The following GSG1L variants were observed in gnomAD, a reference collection of about 807,000 sequenced individuals.
The protein encoded by GSG1L is germ cell-specific gene 1-like protein.
GSG1L carries 24 observed loss-of-function variants against 42.1 expected under a neutral mutation model. The ratio of observed to expected loss-of-function variants is 0.57; its 90% CI spans 0.41 to 0.80. The LOEUF (loss-of-function observed/expected upper bound fraction) is 0.80, where lower values mean the gene tolerates loss of function less well. Ranked by LOEUF, GSG1L falls within the 30% of genes least tolerant of loss-of-function variation. GSG1L has a pLI of 0.00. For missense variants in GSG1L, 445 were observed against 472.2 expected (o/e 0.94, Z 0.53); for synonymous variants, 215 against 203.5 (o/e 1.06, Z -0.48).
At chr16:27,918,522 G>C (rs2084485168) in intron 2 of GSG1L, among the ~76,000 whole-genome samples, 1 of 152,068 alleles carries the variant, frequency 6.6e-6, no homozygotes, top group Non-Finnish European at 1.5e-5. Flanking sequence ...AGTCAGGCAT[G>C]GTGGCGGGCG....
intron 3 of GSG1L, among the ~76,000 whole-genome samples, chr16:27,865,591 A>C (rs2083713071): frequency 7.4e-6 from 1 of 134,788 alleles, no homozygotes; most frequent in Non-Finnish European, 1.6e-5. Flanking sequence ...ACATACATAC[A>C]TACACACACA....
intron 5 of GSG1L, among the ~76,000 whole-genome samples, chr16:27,825,642 T>C (rs2083200339): frequency 6.6e-6 from 1 of 152,190 alleles, no homozygotes; most frequent in African/African-American, 2.4e-5. Context: ...TCTGGGTGAC[T>C]GATATGGTTT....
Position 27,911,308 on chromosome 16 carries a change from T to G in GSG1L, c.398-26670A>C, listed in dbSNP as rs567170255. Reference sequence around the variant, plus strand: ...CTCTCTCTCTCTCCTCTCTCTCTTTTGAGACAGGGTCTCACTCTGTCACCC... The same window carrying G: ...CTCTCTCTCTCTCCTCTCTCTCTTTGGAGACAGGGTCTCACTCTGTCACCC... On this transcript the variant is annotated intron_variant, in intron 2 of 6. Transcript: ENST00000447459. Among the ~76,000 whole-genome samples the G allele has an allele frequency of 1.2e-4, 12 of 97,898 alleles. 1 individual carries two copies. The highest frequency in any genetic ancestry group is 1.1e-3 in the Admixed American group (12 of 11,422). The allele number at this position is 97,898 out of a possible 152,430, so 64.2% of individuals were successfully genotyped here. A position where few individuals can be genotyped will look rare whatever the true frequency, so the allele number is the denominator to read the frequency against.
chr16:27,806,185 T>G (rs1218617438), intron 6 of GSG1L, among the ~76,000 whole-genome samples: 1 of 152,128 alleles, frequency 6.6e-6, no homozygotes, highest in African/African-American at 2.4e-5. Flanking sequence ...AGCACAGACA[T>G]GAAACCATGA....
intron 2 of GSG1L, among the ~76,000 whole-genome samples, chr16:27,938,213 G>A (rs892016619): frequency 1.3e-5 from 2 of 151,924 alleles, no homozygotes; most frequent in Admixed American, 6.6e-5. Context: ...TATGGGTGGG[G>A]GATGGGGAGT....
At chr16:27,907,587 A>C (rs760472160) in intron 2 of GSG1L, among the ~76,000 whole-genome samples, 18 of 152,202 alleles carry the variant, frequency 1.2e-4, no homozygotes, top group Admixed American at 6.5e-4. Flanking sequence ...CAGAGGAGAG[A>C]GAAAGCTCTG....
At chr16:28,056,888 G>A (rs1047617344) in intron 1 of GSG1L, among the ~76,000 whole-genome samples, 2 of 152,100 alleles carry the variant, frequency 1.3e-5, no homozygotes, top group Non-Finnish European at 2.9e-5. Flanking sequence ...GGGGAGTGCC[G>A]GCGGGCAGCA....
chr16:28,000,518 T>C (rs747991277), intron 1 of GSG1L, among the ~76,000 whole-genome samples: 3 of 152,256 alleles, frequency 2.0e-5, no homozygotes, highest in Non-Finnish European at 4.4e-5. Context: ...CCAGAATCCA[T>C]TTATTTATAA....
intron 4 of GSG1L, among the ~76,000 whole-genome samples, chr16:27,834,277 T>A (rs2083300677): frequency 6.6e-6 from 1 of 152,198 alleles, no homozygotes. Context: ...GCAGCCATAA[T>A]CCCTAGAATA....
intron 2 of GSG1L, among the ~76,000 whole-genome samples, chr16:27,920,027 G>T (rs2084506394): frequency 6.6e-6 from 1 of 152,160 alleles, no homozygotes; most frequent in African/African-American, 2.4e-5. Flanking sequence ...TCGGGGGAAG[G>T]GGCCTTGTGG....
chr16:27,859,188 C>A (rs555320151), intron 3 of GSG1L, among the ~76,000 whole-genome samples: 2 of 152,282 alleles, frequency 1.3e-5, no homozygotes, highest in East Asian at 3.9e-4. Flanking sequence ...CGTGTCTCTG[C>A]AGGCTCTTGG....
At chr16:27,947,569 GAAAGAAAGAAAGAA>G (rs1567530844) in intron 2 of GSG1L, among the ~76,000 whole-genome samples, 2 of 93,978 alleles carry the variant, frequency 2.1e-5, no homozygotes, top group African/African-American at 6.8e-5. Flanking sequence ...AAGAAAGAAA[GAAAGAAAGAAAGAA>G]AGAAAGAAAG....
intron 6 of GSG1L, among the ~76,000 whole-genome samples, chr16:27,803,637 T>A (rs2082909397): frequency 6.6e-6 from 1 of 151,888 alleles, no homozygotes. Context: ...ACCCCACAGT[T>A]CAGGCCGCCA....
intron 3 of GSG1L, among the ~76,000 whole-genome samples, chr16:27,849,206 A>ACCC (rs1567485082): frequency 8.2e-6 from 1 of 121,968 alleles, no homozygotes. Context: ...CCAAAAAGAA[A>ACCC]AAAAAAAAAA....
In GSG1L at chr16:27,869,203, G is replaced by T. The variant is rs531416889; in HGVS notation, c.550+15283C>A. ...ACCTTCCTTGGACGGGTAAGAAAAA[G>T]GCTACAGGTGAGTGGAAGTTATGGA... On this transcript the variant is annotated intron_variant, in intron 3 of 6. Coordinates refer to ENST00000447459, the MANE Select transcript of GSG1L (RefSeq NM_001109763.2). 7.4e-5 allele frequency among the ~76,000 whole-genome samples: 11 copies of T among 147,802 alleles called. No individual in the cohort carries two copies. In the East Asian group the frequency reaches 2.1e-3, roughly 29 times the overall value.
chr16:27,983,866 T>C (rs902892140), intron 1 of GSG1L, among the ~76,000 whole-genome samples: 1 of 152,168 alleles, frequency 6.6e-6, no homozygotes, highest in Non-Finnish European at 1.5e-5. Flanking sequence ...GCCTGTTGCA[T>C]GGCAAGAGTG....
intron 1 of GSG1L, among the ~76,000 whole-genome samples, chr16:27,972,511 T>C (rs748549961): frequency 1.3e-5 from 2 of 152,248 alleles, no homozygotes; most frequent in African/African-American, 2.4e-5. Context: ...ATTAAGTTTA[T>C]ATGTTTAGTT....
At chr16:27,935,326 A>AG (rs145631078) in intron 2 of GSG1L, among the ~76,000 whole-genome samples, 37,760 of 151,840 alleles carry the variant, frequency 0.25, 5,238 homozygotes, top group South Asian at 0.37. Flanking sequence ...TGATGGGGGA[A>AG]TGGGGGGCTT....
intron 1 of GSG1L, among the ~76,000 whole-genome samples, chr16:28,051,967 C>A (rs759540624): frequency 6.6e-6 from 1 of 152,018 alleles, no homozygotes; most frequent in Non-Finnish European, 1.5e-5. Flanking sequence ...AGGCCAGAGA[C>A]GGTGCAGGCT....
Sources: gnomAD v4.1 joint callset for allele counts (sites outside exome capture counted in the v4.1 genomes callset) on GRCh38, gnomAD v4.1.1 for gene constraint, MANE v1.5 for transcripts, NCBI Gene and HGNC (gene_info 2026-07-23, HGNC 2026-07-21) for gene names.